The following ST14 variants were observed in gnomAD, a reference collection of about 807,000 sequenced individuals.
The protein encoded by ST14 is suppressor of tumorigenicity 14 protein.
ST14 carries 40 observed loss-of-function variants against 96.5 expected under a neutral mutation model. The ratio of observed to expected loss-of-function variants is 0.41; its 90% CI spans 0.32 to 0.54. ST14 has a LOEUF of 0.54. Ranked by LOEUF, ST14 falls within the 20% of genes least tolerant of loss-of-function variation. The probability of loss-of-function intolerance (pLI) is 0.17; values close to 1 mark genes in which losing one functional copy is unlikely to be tolerated. For synonymous variants in ST14, 506 were observed against 492.1 expected (o/e 1.03, Z -0.37); for missense variants, 1,066 against 1,188.9 (o/e 0.90, Z 1.52).
At chr11:130,199,151 C>T in intron 15 of ST14, 82 bp downstream of exon 15, 1 of 1,402,872 alleles carries the variant, frequency 7.1e-7, no homozygotes, top group Admixed American at 1.9e-5. Flanking sequence ...GAGGTGCAAT[C>T]CCGCCAGCAC....
chr11:130,197,962 GC>G lies in ST14; in HGVS notation c.1459+21del. 1 of 1,558,682 alleles carries G rather than the reference GC, an allele frequency of 6.4e-7. No homozygotes were observed. The highest frequency in any genetic ancestry group is 8.7e-7 in the Non-Finnish European group (1 of 1,154,408). ...TCAACTGCAGTGAGTCAGGCTGGGA[GC>G]CCCGGTCTCCCCACCCTCCTTCCCC... is the stretch of plus-strand genomic sequence containing the variant. On this transcript the variant is annotated intron_variant, in intron 12 of 18. Coordinates refer to ENST00000278742, the MANE Select transcript of ST14 (RefSeq NM_021978.4).
Position 130,188,697 on chromosome 11 carries a change from G to A in ST14, c.369+40G>A, listed in dbSNP as rs149614062. 9.2e-4 allele frequency: 1,485 copies of A among 1,613,902 alleles called. 12 individuals carry two copies. The African/African-American group carries it at 0.017, about 18-fold the overall frequency. ...CCCAGAGTCCTGCTGGGCTGTGTGC[G>A]CTGGTGTCCCACCTGCTGGGCAGGA... On this transcript the variant is annotated intron_variant, in intron 3 of 18. Coordinates refer to ENST00000278742, the MANE Select transcript of ST14 (RefSeq NM_021978.4). This position sits in a 1 kb window ranked among gnomAD's most constrained non-coding sequence, Gnocchi z 5.4.
At position 130,197,824 on chromosome 11, in the gene ST14, C is replaced by G. The variant is rs1234363348; in HGVS notation, c.1355-17C>G. ...GTGGGTGGGTGCTGGGGGCCTCAGG[C>G]CTGCCTGTGCCCGCAGCATGCCCGG... On this transcript the variant is annotated splice_polypyrimidine_tract_variant and intron_variant, in intron 11 of 18. Coordinates refer to ENST00000278742, the MANE Select transcript of ST14 (RefSeq NM_021978.4). 10 of 1,549,340 alleles carry G rather than the reference C, an allele frequency of 6.5e-6. No homozygotes were observed. Among genetic ancestry groups the G allele is most frequent in the Non-Finnish European group, 7.8e-6 (9 of 1,150,254 alleles).
At chr11:130,190,745 G>A (rs762935894) in intron 7 of ST14, 51 bp downstream of exon 7, 8 of 1,520,012 alleles carry the variant, frequency 5.3e-6, no homozygotes, top group Middle Eastern at 2.1e-4. Context: ...CGGCTGCCCT[G>A]TAGGGGGCCA....
At chr11:130,191,747 A>G (rs1184089801) in intron 7 of ST14, among the ~76,000 whole-genome samples, 1 of 151,616 alleles carries the variant, frequency 6.6e-6, no homozygotes, top group Non-Finnish European at 1.5e-5. Flanking sequence ...AGGCAAGACA[A>G]ATCAGGGTGA....
At position 130,198,974 on chromosome 11, in the gene ST14, C is replaced by T. The variant is rs1366846271; in HGVS notation, c.1712C>T (p.Thr571Ile). The part of the protein sequence containing the change: ...KVNVVTCTKH[T>I]YRCLNGLCLS... ...AACGTCGTCACTTGTACCAAACACA[C>T]CTACCGCTGCCTCAATGGGCTCTGC... Residue 571 changes from threonine (T) to isoleucine (I), a missense_variant, in exon 15 of 19, where the codon ACC (threonine) becomes ATC (isoleucine). Coordinates refer to ENST00000278742, the MANE Select transcript of ST14 (RefSeq NM_021978.4). 10 of 1,614,166 alleles carry T rather than the reference C, an allele frequency of 6.2e-6. No individual in the cohort carries two copies. Among genetic ancestry groups the T allele is most frequent in the Non-Finnish European group, 8.5e-6 (10 of 1,180,006 alleles).
At position 130,202,127 on chromosome 11, in the gene ST14, T is replaced by C. The variant is rs139963039; in HGVS notation, c.1994+1990T>C. 3.3e-5 allele frequency among the ~76,000 whole-genome samples: 5 copies of C among 152,354 alleles called. No homozygotes were observed. In the East Asian group the frequency reaches 5.8e-4, roughly 18 times the overall value. ...GTCATGTCCAGGCCCAGTTAGCAGG[T>C]AGAGCTAGGAAATGGCTGGGTGCAT... is the stretch of plus-strand genomic sequence containing the variant. On this transcript the variant is annotated intron_variant, in intron 16 of 18. Transcript: ENST00000278742.
At chr11:130,189,383 T>C (rs1953270723) in intron 4 of ST14, 1 of 458,506 alleles carries the variant, frequency 2.2e-6, no homozygotes, top group African/African-American at 2.0e-5. Context: ...GAATGCTGTG[T>C]GGCAGGTGGC....
At chr11:130,175,706 C>G (rs1227540534) in intron 1 of ST14, among the ~76,000 whole-genome samples, 3 of 151,104 alleles carry the variant, frequency 2.0e-5, no homozygotes, top group African/African-American at 7.3e-5. Flanking sequence ...CTTTCTTGCC[C>G]AGGCTGGAGT....
Position 130,188,187 on chromosome 11 carries a change from C to T in ST14, c.155C>T (p.Pro52Leu), listed in dbSNP as rs756582158. ...NNVKKVEKHG[P>L]GRWVVLAAVL... ...GTCAAGAAGGTGGAAAAGCATGGCC[C>T]GGGGCGCTGGGTGGTGCTGGCAGCC... The change falls in exon 2 of 19, where the codon CCG (proline) becomes CTG (leucine). Residue 52 changes from proline to leucine, a missense_variant. By Grantham distance (98) the Pro-to-Leu change is moderately conservative. Transcript: ENST00000278742. The surrounding 1 kb of genome is among the most constrained non-coding windows in gnomAD (Gnocchi z 5.4). The T allele has an allele frequency of 9.9e-6, 16 of 1,614,050 alleles. No individual in the cohort carries two copies. In the East Asian group the frequency reaches 1.6e-4, roughly 16 times the overall value.
chr11:130,182,197 C>T (rs1953198618), intron 1 of ST14, among the ~76,000 whole-genome samples: 1 of 152,234 alleles, frequency 6.6e-6, no homozygotes, highest in Non-Finnish European at 1.5e-5. Flanking sequence ...TTGAATGAGT[C>T]ACAGGACTGT....
In ST14 at chr11:130,160,069, G is replaced by A. The variant is rs765303362; in HGVS notation, c.81+9G>A. 4.2e-6 allele frequency: 6 copies of A among 1,422,300 alleles called. No individual in the cohort carries two copies. Among genetic ancestry groups the A allele is most frequent in the East Asian group, 6.2e-5 (2 of 32,476 alleles). The allele number at this position is 1,422,300 out of a possible 1,614,324, so 88.1% of individuals were successfully genotyped here. On this transcript the variant is annotated intron_variant, in intron 1 of 18. Coordinates refer to ENST00000278742, the MANE Select transcript of ST14 (RefSeq NM_021978.4). ...ACAACTCCCGGCACGAGGTGAGCGC[G>A]GGCCGGGGACCCGGGGCGCTGGGAA...
chr11:130,173,262 T>C (rs1953109078), intron 1 of ST14, among the ~76,000 whole-genome samples: 1 of 152,164 alleles, frequency 6.6e-6, no homozygotes, highest in Non-Finnish European at 1.5e-5. Context: ...AATTCCTCCC[T>C]CTGGTCTGGT....
chr11:130,165,348 A>C (rs777183480), intron 1 of ST14, among the ~76,000 whole-genome samples: 11 of 152,202 alleles, frequency 7.2e-5, no homozygotes, highest in Non-Finnish European at 1.2e-4. Context: ...TGGGAATAGA[A>C]ACTTACAGAA....
chr11:130,177,195 C>T (rs531430701), intron 1 of ST14, among the ~76,000 whole-genome samples: 3 of 152,146 alleles, frequency 2.0e-5, no homozygotes, highest in Non-Finnish European at 2.9e-5. Flanking sequence ...GGCAATGGTT[C>T]GATTTCCCAC....
rs138985036 is a variant in ST14, at chr11:130,198,413, G to A, written c.1565G>A (p.Gly522Glu). ...NDCGDNSDEQGCSCPAQTFRC... is the reference protein window; with the variant it reads ...NDCGDNSDEQECSCPAQTFRC... ...TGCGGAGACAACAGCGACGAGCAGG[G>A]GTGCAGTGAGTGCTGGGGAGGGGCT... is the stretch of plus-strand genomic sequence containing the variant. The change falls in exon 13 of 19, where the codon GGG (glycine) becomes GAG (glutamate). Residue 522 changes from glycine (G) to glutamate (E), a missense_variant. By Grantham distance (98) the Gly-to-Glu change is moderately conservative. Coordinates refer to ENST00000278742, the MANE Select transcript of ST14 (RefSeq NM_021978.4). The A allele has an allele frequency of 1.5e-5, 25 of 1,614,002 alleles. No homozygotes were observed. Among genetic ancestry groups the A allele is most frequent in the Non-Finnish European group, 1.9e-5 (22 of 1,180,018 alleles).
At position 130,199,019 on chromosome 11, in the gene ST14, A is replaced by G. The variant is rs766798800; in HGVS notation, c.1757A>G (p.Glu586Gly). 87 of 1,613,922 alleles carry G rather than the reference A, an allele frequency of 5.4e-5. No homozygotes were observed. The East Asian group carries it at 1.3e-3, about 24-fold the overall frequency. The change falls in exon 15 of 19, where the codon GAG becomes GGG. Residue 586 changes from glutamate (E) to glycine (G), a missense_variant. Glu to Gly is a moderately conservative substitution (Grantham distance 98, BLOSUM62 -2). Transcript: ENST00000278742. Reference sequence around the variant, plus strand: ...CTCTGCTTGAGCAAGGGCAACCCTGAGTGTGACGGGAAGGAGGACTGTAGC... The same window carrying G: ...CTCTGCTTGAGCAAGGGCAACCCTGGGTGTGACGGGAAGGAGGACTGTAGC... ...NGLCLSKGNP[E>G]CDGKEDCSDG... is the part of the protein sequence containing the mutation.
chr11:130,176,500 T>C (rs1286621256), intron 1 of ST14, among the ~76,000 whole-genome samples: 1 of 152,020 alleles, frequency 6.6e-6, no homozygotes, highest in Non-Finnish European at 1.5e-5. Flanking sequence ...ACCGTTCTCC[T>C]GCCTCAGCCT....
At chr11:130,171,073 A>G (rs1953088050) in intron 1 of ST14, among the ~76,000 whole-genome samples, 1 of 152,218 alleles carries the variant, frequency 6.6e-6, no homozygotes, top group Admixed American at 6.5e-5. Flanking sequence ...CTTATCACGA[A>G]TGACAGCAAG....
Sources: allele counts gnomAD v4.1 joint callset (sites outside exome capture counted in the v4.1 genomes callset), GRCh38; gene constraint gnomAD v4.1.1; non-coding constraint Gnocchi (gnomAD v3.1); transcripts MANE v1.5; gene names NCBI Gene and HGNC (gene_info 2026-07-23, HGNC 2026-07-21).